Variants in PTPRT observed in about 807,000 individuals in gnomAD.
The protein encoded by PTPRT is protein tyrosine phosphatase receptor type T, also known as receptor-type tyrosine-protein phosphatase T.
Under a neutral mutation model 176.8 loss-of-function variants are expected in PTPRT, and 56 were observed. The observed-to-expected ratio is 0.32, with a 90% confidence interval of 0.26 to 0.40. The LOEUF (loss-of-function observed/expected upper bound fraction) is 0.40. PTPRT is among the 10% of genes least tolerant of loss of function. PTPRT has a pLI of 1.00. For synonymous variants in PTPRT, 783 were observed against 739.0 expected, an observed-to-expected ratio of 1.06 and a Z score of -0.96; for missense variants, 1,540 against 1,908.2, an observed-to-expected ratio of 0.81 and a Z score of 3.60.
intron 3 of PTPRT, among the ~76,000 whole-genome samples, chr20:42,786,651 C>T (rs569911831): frequency 6.6e-6 from 1 of 152,318 alleles, no homozygotes; most frequent in Non-Finnish European, 1.5e-5. Flanking sequence ...AATGGTATGA[C>T]TGTCCCTGTA....
intron 1 of PTPRT, among the ~76,000 whole-genome samples, chr20:43,017,384 C>T (rs1985422878): frequency 6.6e-6 from 1 of 152,120 alleles, no homozygotes; most frequent in Non-Finnish European, 1.5e-5. Flanking sequence ...CCCTCCTTCT[C>T]TGCTTCCGCC....
chr20:42,609,019 C>G (rs1271543967), intron 7 of PTPRT, among the ~76,000 whole-genome samples: 1 of 152,086 alleles, frequency 6.6e-6, no homozygotes, highest in Non-Finnish European at 1.5e-5. Context: ...ATACCCTAGT[C>G]CCAGACACCC....
intron 11 of PTPRT, among the ~76,000 whole-genome samples, chr20:42,339,019 C>T (rs1287327565): frequency 1.3e-5 from 2 of 152,170 alleles, no homozygotes; most frequent in African/African-American, 4.8e-5. Flanking sequence ...GTGACGCGTG[C>T]ATATTGCTGC....
chr20:42,285,383 A>G (rs893543488), intron 12 of PTPRT, among the ~76,000 whole-genome samples: 1 of 152,062 alleles, frequency 6.6e-6, no homozygotes, highest in African/African-American at 2.4e-5. Context: ...AAAACTTGCC[A>G]GTTCTGTGCA....
chr20:43,142,575 A>G (rs1387475821), intron 1 of PTPRT, among the ~76,000 whole-genome samples: 1 of 151,636 alleles, frequency 6.6e-6, no homozygotes, highest in African/African-American at 2.4e-5. Flanking sequence ...CTACAGAAGG[A>G]AAAAACCATC....
chr20:42,083,165 G>C (rs1449351809), intron 29 of PTPRT, among the ~76,000 whole-genome samples: 1 of 144,154 alleles, frequency 6.9e-6, no homozygotes, highest in Admixed American at 7.0e-5. Flanking sequence ...ATGAGAGAGA[G>C]AGAGAGGAGA....
At chr20:42,221,721 T>A (rs1288201881) in intron 15 of PTPRT, among the ~76,000 whole-genome samples, 1 of 151,974 alleles carries the variant, frequency 6.6e-6, no homozygotes, top group Non-Finnish European at 1.5e-5. Flanking sequence ...GGTTTCATCA[T>A]GTTGGTCAGG....
intron 16 of PTPRT, among the ~76,000 whole-genome samples, chr20:42,187,350 C>G (rs1489449166): frequency 1.3e-5 from 2 of 152,068 alleles, no homozygotes; most frequent in Non-Finnish European, 2.9e-5. Flanking sequence ...GTGGGGTGGG[C>G]AGTTCTTTCC....
intron 2 of PTPRT, among the ~76,000 whole-genome samples, chr20:42,862,227 A>C (rs1037557791): frequency 6.6e-6 from 1 of 152,234 alleles, no homozygotes; most frequent in African/African-American, 2.4e-5. Context: ...ACTCAAGGCT[A>C]CATGGTGCAC....
chr20:42,869,008 T>C (rs2078798619), intron 2 of PTPRT, among the ~76,000 whole-genome samples: 3 of 152,176 alleles, frequency 2.0e-5, no homozygotes. Context: ...GGCATCCACA[T>C]GGTGTTGACC....
At chr20:42,246,846 T>A (rs530013537) in intron 14 of PTPRT, among the ~76,000 whole-genome samples, 6 of 152,204 alleles carry the variant, frequency 3.9e-5, no homozygotes, top group Non-Finnish European at 8.8e-5. Context: ...CTCTAATATA[T>A]CTGTAACTCT....
At chr20:42,593,076 T>A (rs2073608112) in intron 7 of PTPRT, among the ~76,000 whole-genome samples, 1 of 152,182 alleles carries the variant, frequency 6.6e-6, no homozygotes, top group African/African-American at 2.4e-5. Flanking sequence ...GGGTAGTGAA[T>A]GCACAGAAAG....
chr20:42,199,536 T>C lies in PTPRT; in HGVS notation c.2343-148A>G, dbSNP rs1046696662. ...AAAAGAATCAAGGCAGAACAAACCA[T>C]GAATGGTTTCCATTTACTCAGAAAT... On this transcript the variant is annotated intron_variant, in intron 15 of 30. Coordinates refer to ENST00000373187, the MANE Select transcript of PTPRT (RefSeq NM_007050.6). 1.4e-5 allele frequency: 13 copies of C among 898,030 alleles called. No homozygotes were observed. In the African/African-American group the frequency reaches 2.0e-4, roughly 14 times the overall value. The allele number at this position is 898,030 out of a possible 1,614,324, so 55.6% of individuals were successfully genotyped here.
intron 2 of PTPRT, among the ~76,000 whole-genome samples, chr20:42,856,095 C>A (rs529137459): frequency 3.9e-4 from 59 of 152,234 alleles, no homozygotes; most frequent in African/African-American, 1.4e-3. Context: ...TAGGGGACCA[C>A]CCACCCCAGG....
chr20:42,258,592 C>A (rs1356498653), intron 13 of PTPRT, among the ~76,000 whole-genome samples: 1 of 152,082 alleles, frequency 6.6e-6, no homozygotes. Flanking sequence ...TTTCTTTGAT[C>A]TTGCTGTGAC....
chr20:42,076,171 A>G lies in PTPRT; in HGVS notation c.*4708T>C, dbSNP rs550813487. On this transcript the variant is annotated 3_prime_UTR_variant, in exon 31 of 31. Coordinates refer to ENST00000373187, the MANE Select transcript of PTPRT (RefSeq NM_007050.6). Reference sequence around the variant, plus strand: ...CTTACCCAGGAATTAATTGTGCCATAGTAATCTCGATTTCCTAATAGTGCC... The same window carrying G: ...CTTACCCAGGAATTAATTGTGCCATGGTAATCTCGATTTCCTAATAGTGCC... 1 of 202,874 alleles carries G rather than the reference A, an allele frequency of 4.9e-6. No homozygotes were observed. Among genetic ancestry groups the G allele is most frequent in the Admixed American group, 6.0e-5 (1 of 16,652 alleles). The allele number at this position is 202,874 out of a possible 1,614,324, so 12.6% of individuals were successfully genotyped here. A position where few individuals can be genotyped will look rare whatever the true frequency, so the allele number is the denominator to read the frequency against.
At chr20:43,163,540 T>A (rs1377659506) in intron 1 of PTPRT, among the ~76,000 whole-genome samples, 3 of 151,454 alleles carry the variant, frequency 2.0e-5, no homozygotes, top group East Asian at 2.0e-4. Flanking sequence ...CAGGAGGCTG[T>A]GGCAGGAGAA....
intron 7 of PTPRT, among the ~76,000 whole-genome samples, chr20:42,589,276 C>A (rs1413254186): frequency 6.6e-6 from 1 of 152,148 alleles, no homozygotes; most frequent in Non-Finnish European, 1.5e-5. Flanking sequence ...CAGACATATG[C>A]CAAGTTATCT....
intron 16 of PTPRT, among the ~76,000 whole-genome samples, chr20:42,197,607 C>T (rs1991282322): frequency 6.6e-6 from 1 of 151,586 alleles, no homozygotes; most frequent in South Asian, 2.1e-4. Flanking sequence ...TAAGGTTATA[C>T]TTTATTGTGG....
Sources: allele counts gnomAD v4.1 joint callset (sites outside exome capture counted in the v4.1 genomes callset), GRCh38; gene constraint gnomAD v4.1.1; transcripts MANE v1.5; gene names NCBI Gene and HGNC (gene_info 2026-07-23, HGNC 2026-07-21).